NUP210L: variants seen among roughly 807,000 people sequenced by gnomAD.
NUP210L encodes nucleoporin 210 like, also known as nuclear pore membrane glycoprotein 210-like.
In NUP210L, 74 loss-of-function variants were observed where a neutral mutation model predicts 208.5. The observed-to-expected ratio is 0.35, with a 90% confidence interval of 0.29 to 0.43. The LOEUF (loss-of-function observed/expected upper bound fraction) is 0.43, where lower values mean the gene tolerates loss of function less well. NUP210L is among the 20% of genes least tolerant of loss of function. NUP210L has a pLI of 1.00. For synonymous variants in NUP210L, 780 were observed against 816.9 expected (o/e 0.95, Z 0.77); for missense variants, 1,843 against 2,289.4 (o/e 0.81, Z 3.98).
intron 28 of NUP210L, among the ~76,000 whole-genome samples, chr1:154,029,019 G>A (rs115867878): frequency 0.018 from 2,755 of 150,946 alleles, 86 homozygotes; most frequent in African/African-American, 0.065. Flanking sequence ...TTACCTGAAC[G>A]CTGCAGTGAG....
At chr1:154,112,347 A>C (rs1003424413) in intron 12 of NUP210L, among the ~76,000 whole-genome samples, 17 of 152,112 alleles carry the variant, frequency 1.1e-4, no homozygotes, top group Non-Finnish European at 2.5e-4. Context: ...CCAAGGCTGC[A>C]GTGAGTCATG....
intron 27 of NUP210L, among the ~76,000 whole-genome samples, chr1:154,035,662 G>T (rs1302736853): frequency 6.6e-6 from 1 of 152,028 alleles, no homozygotes; most frequent in Admixed American, 6.6e-5. Context: ...GCCTCCTAAA[G>T]TGCTGGGATT....
At chr1:154,068,403 G>A (rs1210671253) in intron 17 of NUP210L, among the ~76,000 whole-genome samples, 2 of 151,874 alleles carry the variant, frequency 1.3e-5, no homozygotes, top group Non-Finnish European at 2.9e-5. Context: ...GAAACTGGGT[G>A]GGGTGCAGTG....
At chr1:154,071,111 T>C (rs1278337502) in intron 16 of NUP210L, among the ~76,000 whole-genome samples, 1 of 151,592 alleles carries the variant, frequency 6.6e-6, no homozygotes, top group Non-Finnish European at 1.5e-5. Flanking sequence ...TTTGTTTTTT[T>C]TTTGAGACAG....
intron 16 of NUP210L, among the ~76,000 whole-genome samples, chr1:154,076,105 T>TC (rs1655020362): frequency 1.1e-5 from 1 of 87,612 alleles, no homozygotes; most frequent in Admixed American, 1.5e-4. Context: ...AAGACTTCTT[T>TC]TTTTTTTTTT....
At chr1:154,142,357 AT>A (rs1012394042) in intron 3 of NUP210L, among the ~76,000 whole-genome samples, 10 of 150,238 alleles carry the variant, frequency 6.7e-5, no homozygotes, top group South Asian at 4.2e-4. Flanking sequence ...TCCCACCTAA[AT>A]TTTTTTTTTA....
intron 17 of NUP210L, among the ~76,000 whole-genome samples, chr1:154,061,895 G>A (rs1654161376): frequency 6.6e-6 from 1 of 152,118 alleles, no homozygotes; most frequent in Non-Finnish European, 1.5e-5. Flanking sequence ...GTGCAGTGAT[G>A]TGATCTCGGC....
Position 154,125,211 on chromosome 1 carries a change from AG to A in NUP210L, c.1326+1111del, listed in dbSNP as rs1657824021. ...ATGCCTGTAATCCCAGCACTTTGGG[AG>A]GGTGAGGCGGGTGAATCACTTGAGG... On this transcript the variant is annotated intron_variant, in intron 10 of 39. Transcript: ENST00000368559. 2.0e-5 allele frequency among the ~76,000 whole-genome samples: 3 copies of A among 151,644 alleles called. No individual in the cohort carries two copies. The South Asian group carries it at 6.3e-4, about 32-fold the overall frequency.
intron 12 of NUP210L, among the ~76,000 whole-genome samples, chr1:154,109,611 G>A (rs1264257322): frequency 7.3e-5 from 11 of 151,444 alleles, no homozygotes. Context: ...CAGCAAGAAT[G>A]AGTATTCTTG....
rs1345869003 is a variant in NUP210L, at chr1:154,129,269, T to G, written c.1078+8A>C. The G allele has an allele frequency of 6.3e-7, 1 of 1,577,510 alleles. No individual in the cohort carries two copies. The highest frequency in any genetic ancestry group is 1.7e-5 in the Admixed American group (1 of 58,142). ...ATCCACCTTTCTGAAAAGTATGATC[T>G]AAAATACCTAAAAATCCAGGCTCTA... On this transcript the variant is annotated splice_region_variant and intron_variant, in intron 8 of 39. Transcript: ENST00000368559.
chr1:154,006,823 T>C (rs1169087521), intron 35 of NUP210L, among the ~76,000 whole-genome samples: 2 of 139,224 alleles, frequency 1.4e-5, no homozygotes, highest in Non-Finnish European at 3.1e-5. Context: ...ATGCCATATA[T>C]ATATATATAT....
At chr1:154,069,029 T>C (rs1377684345) in intron 17 of NUP210L, among the ~76,000 whole-genome samples, 1 of 152,106 alleles carries the variant, frequency 6.6e-6, no homozygotes, top group Non-Finnish European at 1.5e-5. Flanking sequence ...TCCTTACGCC[T>C]TATACAAAAA....
chr1:154,149,176 C>T (rs1558011365), intron 2 of NUP210L, among the ~76,000 whole-genome samples: 2 of 150,186 alleles, frequency 1.3e-5, no homozygotes, highest in African/African-American at 2.5e-5. Context: ...ACCTCCACCT[C>T]CCGGGTCCAA....
chr1:154,141,717 C>T (rs1658859914), intron 3 of NUP210L, among the ~76,000 whole-genome samples, 193 bp from the exon 4 acceptor site: 1 of 152,118 alleles, frequency 6.6e-6, no homozygotes, highest in Non-Finnish European at 1.5e-5. Context: ...AATGATGTTG[C>T]TGCACAAGCT....
At chr1:154,144,592 C>T (rs1036817853) in intron 2 of NUP210L, among the ~76,000 whole-genome samples, 1 of 151,824 alleles carries the variant, frequency 6.6e-6, no homozygotes, top group Non-Finnish European at 1.5e-5. Context: ...TGTTTTGTAC[C>T]ACTATATTTT....
intron 16 of NUP210L, among the ~76,000 whole-genome samples, chr1:154,080,607 C>T (rs544172977): frequency 6.6e-6 from 1 of 151,974 alleles, no homozygotes; most frequent in East Asian, 1.9e-4. Flanking sequence ...ATCACTTGAA[C>T]CCAGGAGGCA....
At chr1:154,027,705 A>G in intron 28 of NUP210L, 108 bp from the exon 29 acceptor site, 2 of 665,934 alleles carry the variant, frequency 3.0e-6, no homozygotes, top group South Asian at 4.0e-5. Context: ...AATAAATGAC[A>G]ACTACGAATC....
chr1:154,104,789 G>A (rs375075372), intron 12 of NUP210L, among the ~76,000 whole-genome samples: 2 of 152,102 alleles, frequency 1.3e-5, no homozygotes, highest in Non-Finnish European at 2.9e-5. Context: ...GAAAGGCTGT[G>A]TAGGCCACAA....
chr1:154,113,494 A>G (rs1657151314), intron 12 of NUP210L, among the ~76,000 whole-genome samples: 1 of 152,086 alleles, frequency 6.6e-6, no homozygotes, highest in African/African-American at 2.4e-5. Flanking sequence ...TACATTTTTA[A>G]AAGGTTGTAA....
Sources: allele counts gnomAD v4.1 joint callset (sites outside exome capture counted in the v4.1 genomes callset), GRCh38; gene constraint gnomAD v4.1.1; transcripts MANE v1.5; gene names NCBI Gene and HGNC (gene_info 2026-07-23, HGNC 2026-07-21).